Variants in CDK19 observed in about 807,000 individuals in gnomAD.
CDK19 encodes the protein cyclin-dependent kinase 19.
CDK19 carries 20 observed loss-of-function variants against 68.3 expected under a neutral mutation model. The observed-to-expected ratio is 0.29, with a 90% CI of 0.21 to 0.43. The LOEUF is 0.43. Among genes scored for constraint, CDK19 ranks in the 20% least tolerant of loss-of-function variants. The pLI, the probability that CDK19 is intolerant of heterozygous loss-of-function variation, is 1.00. For synonymous variants in CDK19, 221 were observed against 222.8 expected, an observed-to-expected ratio of 0.99 and a Z score of 0.07; for missense variants, 339 against 623.5, an observed-to-expected ratio of 0.54 and a Z score of 4.86.
chr6:110,629,884 T>C (rs1440804215), intron 6 of CDK19, among the ~76,000 whole-genome samples: 1 of 152,190 alleles, frequency 6.6e-6, no homozygotes, highest in East Asian at 1.9e-4. Context: ...AAGCGGTAAA[T>C]TTCATTTACC....
At chr6:110,671,707 G>C (rs1315408399) in intron 2 of CDK19, among the ~76,000 whole-genome samples, 4 of 152,176 alleles carry the variant, frequency 2.6e-5, no homozygotes, top group Non-Finnish European at 5.9e-5. Context: ...CCACAATGTG[G>C]TAAGGAAGAC....
rs1363501423 is a variant in CDK19 at position 110,613,731 on chromosome 6, C to T, written c.*804G>A. ...TGGGCCATCGAGACTGTACAAAGCT[C>T]TTGAAACCCTTTTTAAGGTAGACTT... On this transcript the variant is annotated 3_prime_UTR_variant, in exon 13 of 13. Coordinates refer to ENST00000368911, the MANE Select transcript of CDK19 (RefSeq NM_015076.5). 1 of 152,574 alleles carries T rather than the reference C, an allele frequency of 6.6e-6. No homozygotes were observed. Among genetic ancestry groups the T allele is most frequent in the African/African-American group, 2.4e-5 (1 of 41,424 alleles). The allele number at this position is 152,574 out of a possible 1,614,324, so 9.5% of individuals were successfully genotyped here. A position where few individuals can be genotyped will look rare whatever the true frequency, so the allele number is the denominator to read the frequency against.
intron 7 of CDK19, 41 bp from the exon 8 acceptor site, chr6:110,626,886 T>G: frequency 7.2e-7 from 1 of 1,391,042 alleles, no homozygotes; most frequent in Non-Finnish European, 9.9e-7. Context: ...AATAATGTGT[T>G]AATTTAAAAT....
At chr6:110,751,299 T>C (rs1778458539) in intron 1 of CDK19, among the ~76,000 whole-genome samples, 1 of 152,072 alleles carries the variant, frequency 6.6e-6, no homozygotes, top group African/African-American at 2.4e-5. Context: ...TCACACCCAT[T>C]ACCACCTGAG....
rs564238111 is a variant in CDK19, at chr6:110,678,734, AG to A, written c.205-8194del. Reference sequence around the variant, plus strand: ...ATTCAATAGAAAAAAATGCATTGTTAGGGGCACATCCTTTCAGTTACCTGAT... The same window carrying A: ...ATTCAATAGAAAAAAATGCATTGTTAGGGCACATCCTTTCAGTTACCTGAT... On this transcript the variant is annotated intron_variant, in intron 2 of 12. Coordinates refer to ENST00000368911, the MANE Select transcript of CDK19 (RefSeq NM_015076.5). Among the ~76,000 whole-genome samples the A allele has an allele frequency of 1.1e-4, 16 of 152,340 alleles. No individual in the cohort carries two copies. In the South Asian group the frequency reaches 3.3e-3, roughly 32 times the overall value.
At chr6:110,639,654 G>A (rs1780005165) in intron 4 of CDK19, among the ~76,000 whole-genome samples, 1 of 152,170 alleles carries the variant, frequency 6.6e-6, no homozygotes, top group Non-Finnish European at 1.5e-5. Context: ...GATTAAACTG[G>A]ATTACTTTAA....
At chr6:110,651,375 C>G (rs113044702) in intron 4 of CDK19, among the ~76,000 whole-genome samples, 4 of 152,050 alleles carry the variant, frequency 2.6e-5, no homozygotes, top group Non-Finnish European at 5.9e-5. Flanking sequence ...AAATATTTCT[C>G]TAATGTTTGC....
intron 1 of CDK19, among the ~76,000 whole-genome samples, chr6:110,778,590 G>C (rs556015743): frequency 6.6e-6 from 1 of 152,068 alleles, no homozygotes; most frequent in East Asian, 1.9e-4. Flanking sequence ...TTACTACTTG[G>C]GTAAATTGTA....
chr6:110,678,921 G>C (rs924050770), intron 2 of CDK19, among the ~76,000 whole-genome samples: 2 of 152,114 alleles, frequency 1.3e-5, no homozygotes, highest in Non-Finnish European at 2.9e-5. Context: ...GCCTCAATTT[G>C]CATATCCATT....
At chr6:110,627,953 T>TA (rs1779194178) in intron 6 of CDK19, among the ~76,000 whole-genome samples, 1 of 152,172 alleles carries the variant, frequency 6.6e-6, no homozygotes, top group Admixed American at 6.5e-5. Flanking sequence ...TTCATGCCTG[T>TA]ATTCCAAGTA....
intron 2 of CDK19, among the ~76,000 whole-genome samples, chr6:110,694,557 T>TA (rs1773314483): frequency 6.6e-6 from 1 of 152,090 alleles, no homozygotes; most frequent in South Asian, 2.1e-4. Context: ...AACACAGTAA[T>TA]AGTGGGGGAC....
At chr6:110,723,277 A>G (rs1776076068) in intron 2 of CDK19, among the ~76,000 whole-genome samples, 2 of 152,144 alleles carry the variant, frequency 1.3e-5, no homozygotes, top group Admixed American at 6.6e-5. Flanking sequence ...CATGTTGGTG[A>G]AAAAGCCATC....
At chr6:110,656,206 G>C (rs189728037) in intron 4 of CDK19, among the ~76,000 whole-genome samples, 1 of 152,118 alleles carries the variant, frequency 6.6e-6, no homozygotes, top group Admixed American at 6.5e-5. Flanking sequence ...CCATGTACTC[G>C]TTGGGGGAAG....
At chr6:110,670,339 T>C in intron 3 of CDK19, 92 bp downstream of exon 3, 3 of 609,924 alleles carry the variant, frequency 4.9e-6, no homozygotes, top group Non-Finnish European at 8.6e-6. Flanking sequence ...AGAGCAAGCT[T>C]TCCTTTCTGT....
rs1771963761 is a variant in CDK19 at position 110,680,984 on chromosome 6, G to A, written c.205-10443C>T. Among the ~76,000 whole-genome samples the A allele has an allele frequency of 1.3e-5, 2 of 151,772 alleles. 1 individual carries two copies. The highest frequency in any genetic ancestry group is 4.2e-4 in the South Asian group (2 of 4,806). ...TGCACTCCAGCCTGGGCAACAGAGT[G>A]AGACTCTGTCTCAAAATAAATAAAT... On this transcript the variant is annotated intron_variant, in intron 2 of 12. Coordinates refer to ENST00000368911, the MANE Select transcript of CDK19 (RefSeq NM_015076.5).
chr6:110,745,317 C>T (rs1159128231), intron 2 of CDK19, among the ~76,000 whole-genome samples: 3 of 152,096 alleles, frequency 2.0e-5, no homozygotes, highest in East Asian at 3.9e-4. Context: ...TTCTTGTGAA[C>T]AATCATTTCT....
At chr6:110,787,203 G>T (rs917044185) in intron 1 of CDK19, among the ~76,000 whole-genome samples, 2 of 152,080 alleles carry the variant, frequency 1.3e-5, no homozygotes, top group South Asian at 4.1e-4. Context: ...GTGAAACCCT[G>T]TCTCTACTAA....
chr6:110,679,866 CA>C (rs762405305), intron 2 of CDK19, among the ~76,000 whole-genome samples: 2 of 152,118 alleles, frequency 1.3e-5, no homozygotes, highest in Non-Finnish European at 2.9e-5. Flanking sequence ...TCCATGAAGG[CA>C]AAGGTATTTG....
intron 9 of CDK19, 86 bp downstream of exon 9, chr6:110,623,204 G>T: frequency 8.9e-7 from 1 of 1,121,634 alleles, no homozygotes; most frequent in Non-Finnish European, 1.3e-6. Flanking sequence ...AATTTCTTTT[G>T]TTTCTAAAGA....
Sources: allele counts gnomAD v4.1 joint callset (sites outside exome capture counted in the v4.1 genomes callset), GRCh38; gene constraint gnomAD v4.1.1; transcripts MANE v1.5; gene names NCBI Gene and HGNC (gene_info 2026-07-23, HGNC 2026-07-21).